Variants in EFR3A observed in about 807,000 individuals in gnomAD.
EFR3A encodes protein EFR3 homolog A.
Under a neutral mutation model 104.4 loss-of-function variants are expected in EFR3A, and 76 were observed. That is an observed-to-expected ratio of 0.73 (90% CI 0.60 to 0.88). The LOEUF (loss-of-function observed/expected upper bound fraction) is 0.88. EFR3A is among the 40% of genes least tolerant of loss of function. The probability of loss-of-function intolerance (pLI) is 0.00; values close to 1 mark genes in which losing one functional copy is unlikely to be tolerated. For missense variants in EFR3A, 985 were observed against 1,012.5 expected, an observed-to-expected ratio of 0.97 and a Z score of 0.37; for synonymous variants, 330 against 330.0, an observed-to-expected ratio of 1.00 and a Z score of 0.00.
intron 1 of EFR3A, among the ~76,000 whole-genome samples, chr8:131,904,605 A>G (rs1020118852): frequency 6.6e-6 from 1 of 152,216 alleles, no homozygotes; most frequent in Non-Finnish European, 1.5e-5. Flanking sequence ...TGGGATTTCA[A>G]AGTTAAAGCC....
chr8:131,991,819 G>A (rs868203493), intron 18 of EFR3A, among the ~76,000 whole-genome samples: 23 of 152,102 alleles, frequency 1.5e-4, no homozygotes, highest in African/African-American at 5.6e-4. Flanking sequence ...TAGGAAGTTG[G>A]GGGGTGAGAA....
chr8:131,935,164 G>T (rs1252259309), intron 1 of EFR3A, among the ~76,000 whole-genome samples: 2 of 152,120 alleles, frequency 1.3e-5, no homozygotes, highest in African/African-American at 4.8e-5. Context: ...TCATCTGTTT[G>T]TTGGAAAAAT....
chr8:131,997,066 T>C (rs1821531437), intron 19 of EFR3A, among the ~76,000 whole-genome samples: 1 of 152,092 alleles, frequency 6.6e-6, no homozygotes, highest in Non-Finnish European at 1.5e-5. Context: ...ATAGATTTCA[T>C]GCTCTCCTCC....
intron 8 of EFR3A, among the ~76,000 whole-genome samples, chr8:131,961,693 C>T (rs1485711803): frequency 6.6e-6 from 1 of 152,136 alleles, no homozygotes; most frequent in South Asian, 2.1e-4. Context: ...CATTCAGATT[C>T]AGGAAATACA....
chr8:131,962,453 G>T (rs1819415600), intron 8 of EFR3A, among the ~76,000 whole-genome samples: 2 of 152,082 alleles, frequency 1.3e-5, no homozygotes, highest in Admixed American at 6.6e-5. Context: ...AAGATCAAAA[G>T]AAACAAAGAA....
chr8:132,010,439 T>TATATATATAGG (rs1563716519), intron 22 of EFR3A, among the ~76,000 whole-genome samples: 5 of 126,720 alleles, frequency 3.9e-5, no homozygotes, highest in African/African-American at 1.5e-4. Context: ...TATATATATA[T>TATATATATAGG]ATATATATAT....
intron 2 of EFR3A, among the ~76,000 whole-genome samples, chr8:131,942,143 C>T (rs1818198053): frequency 6.6e-6 from 1 of 152,018 alleles, no homozygotes; most frequent in South Asian, 2.1e-4. Flanking sequence ...GCTTTGAACA[C>T]TTGATCATTG....
At chr8:131,937,791 TTTTTC>T in intron 1 of EFR3A, among the ~76,000 whole-genome samples, 1 of 151,452 alleles carries the variant, frequency 6.6e-6, no homozygotes, top group South Asian at 2.1e-4. Flanking sequence ...TTTTTTTTTT[TTTTTC>T]TTTCTTTTGG....
At chr8:131,968,849 ATGTGGCCCATTT>A (rs1423720197) in intron 9 of EFR3A, among the ~76,000 whole-genome samples, 5 of 152,180 alleles carry the variant, frequency 3.3e-5, no homozygotes, top group Non-Finnish European at 7.4e-5. Flanking sequence ...GCAAAATTTT[ATGTGGCCCATTT>A]TGGGTAGAAT....
intron 6 of EFR3A, 109 bp downstream of exon 6, chr8:131,954,076 G>T: frequency 2.8e-6 from 3 of 1,090,442 alleles, no homozygotes; most frequent in Non-Finnish European, 3.7e-6. Context: ...CAGTAGTCTC[G>T]TAAAGTTAAG....
chr8:131,947,528 C>CT (rs543674658), intron 4 of EFR3A, among the ~76,000 whole-genome samples: 31 of 141,398 alleles, frequency 2.2e-4, no homozygotes, highest in South Asian at 2.3e-4. Context: ...AGTCCAGTTC[C>CT]TTTTTTTTTT....
At chr8:131,932,325 G>A (rs936798367) in intron 1 of EFR3A, among the ~76,000 whole-genome samples, 1 of 152,096 alleles carries the variant, frequency 6.6e-6, no homozygotes, top group Non-Finnish European at 1.5e-5. Context: ...GTTTAGAAAT[G>A]AGTGACAGAC....
rs189337495 is a variant in EFR3A, at chr8:131,923,762, C to T, written c.11-16737C>T. ...GCTGAGTCACAATCCCCTGCTTAAC[C>T]TTATTTGCCAGTGCGCACTCAGAAG... On this transcript the variant is annotated intron_variant, in intron 1 of 22. Transcript: ENST00000254624. Among the ~76,000 whole-genome samples the T allele has an allele frequency of 6.7e-3, 1,021 of 152,086 alleles. 3 individuals are homozygous for T. Among genetic ancestry groups the T allele is most frequent in the Middle Eastern group, 0.017 (5 of 294 alleles).
chr8:131,981,728 A>G (rs1288595609), intron 14 of EFR3A, among the ~76,000 whole-genome samples: 2 of 152,068 alleles, frequency 1.3e-5, no homozygotes, highest in South Asian at 2.1e-4. Context: ...TGTTCAGGCA[A>G]CTGTGTCTTA....
chr8:131,960,230 C>G (rs1031540922), intron 8 of EFR3A, among the ~76,000 whole-genome samples: 1 of 152,156 alleles, frequency 6.6e-6, no homozygotes, highest in Non-Finnish European at 1.5e-5. Flanking sequence ...ATAGCTGATC[C>G]TTGAATAACA....
intron 4 of EFR3A, among the ~76,000 whole-genome samples, chr8:131,948,440 TAAAC>T (rs1818543520): frequency 6.6e-6 from 1 of 152,144 alleles, no homozygotes; most frequent in Non-Finnish European, 1.5e-5. Flanking sequence ...GAGCGTTAAA[TAAAC>T]CCTCATTCAA....
intron 1 of EFR3A, among the ~76,000 whole-genome samples, chr8:131,926,949 G>A (rs752299967): frequency 2.6e-4 from 39 of 152,082 alleles, no homozygotes; most frequent in Non-Finnish European, 5.0e-4. Flanking sequence ...ACATTTCCAA[G>A]GTTGCATTTT....
rs1822390545 is a variant in EFR3A, at chr8:132,012,471, G to A, written c.*1576G>A. The A allele has an allele frequency of 6.6e-6, 1 of 152,532 alleles. No homozygotes were observed. The highest frequency in any genetic ancestry group is 2.4e-5 in the African/African-American group (1 of 41,438). The allele number at this position is 152,532 out of a possible 1,614,324, so 9.4% of individuals were successfully genotyped here. A position where few individuals can be genotyped will look rare whatever the true frequency, so the allele number is the denominator to read the frequency against. ...GTAGATCAGCAAGACTTGTTTCAGAGTGACAGTGGAGTCGTTACCGCTGGA... is the reference window on the plus strand; with the variant it reads ...GTAGATCAGCAAGACTTGTTTCAGAATGACAGTGGAGTCGTTACCGCTGGA... On this transcript the variant is annotated 3_prime_UTR_variant, in exon 23 of 23. Transcript: ENST00000254624.
chr8:131,926,258 TA>T (rs1817293235), intron 1 of EFR3A, among the ~76,000 whole-genome samples: 1 of 152,188 alleles, frequency 6.6e-6, no homozygotes, highest in Non-Finnish European at 1.5e-5. Flanking sequence ...ATGGTGACTT[TA>T]AAAAACCATT....
Sources: gnomAD v4.1 joint callset for allele counts (sites outside exome capture counted in the v4.1 genomes callset) on GRCh38, gnomAD v4.1.1 for gene constraint, MANE v1.5 for transcripts, NCBI Gene and HGNC (gene_info 2026-07-23, HGNC 2026-07-21) for gene names.